GALNT13: variants seen among roughly 807,000 people sequenced by gnomAD.
GALNT13 encodes the protein UDP-GalNAc:polypeptide N-acetylgalactosaminyltransferase 13.
A neutral mutation model predicts 64.2 loss-of-function variants in GALNT13; 28 were observed. The observed-to-expected ratio is 0.44, with a 90% CI of 0.32 to 0.60. GALNT13 has a LOEUF of 0.60. Ranked by LOEUF, GALNT13 falls within the 20% of genes least tolerant of loss-of-function variation. The pLI is 0.05. For synonymous variants in GALNT13, 214 were observed against 224.6 expected (o/e 0.95, Z 0.42); for missense variants, 577 against 669.8 (o/e 0.86, Z 1.53).
At chr2:153,879,674 T>A (rs779733243) in intron 1 of GALNT13, among the ~76,000 whole-genome samples, 2 of 152,032 alleles carry the variant, frequency 1.3e-5, no homozygotes, top group Non-Finnish European at 2.9e-5. Context: ...ATCCTGGCCG[T>A]GCTTTGAGCC....
intron 3 of GALNT13, among the ~76,000 whole-genome samples, chr2:154,085,371 A>G (rs892642149): frequency 2.0e-5 from 3 of 151,950 alleles, no homozygotes; most frequent in African/African-American, 7.2e-5. Context: ...GTTCATGGAA[A>G]CCATTGTGGT....
the GALNT13 span, among the ~76,000 whole-genome samples, chr2:153,402,709 G>A: frequency 6.6e-6 from 1 of 152,000 alleles, no homozygotes; most frequent in Non-Finnish European, 1.5e-5. Flanking sequence ...CTTTCTTCCT[G>A]TTGATCGCAT....
the GALNT13 span, among the ~76,000 whole-genome samples, chr2:153,724,121 A>T: frequency 7.2e-6 from 1 of 138,228 alleles, no homozygotes; most frequent in East Asian, 2.0e-4. Flanking sequence ...AGATCAATGG[A>T]ACAGAACAGA....
the GALNT13 span, among the ~76,000 whole-genome samples, chr2:153,739,506 GTTTTA>G: frequency 6.4e-5 from 9 of 140,848 alleles, no homozygotes; most frequent in African/African-American, 2.1e-4. Flanking sequence ...TTAGATTTTT[GTTTTA>G]TTTATTTATT....
chr2:153,601,542 C>T, the GALNT13 span, among the ~76,000 whole-genome samples: 2 of 151,148 alleles, frequency 1.3e-5, no homozygotes, highest in East Asian at 2.0e-4. Context: ...TATTTCCTTT[C>T]GTTTCATGTC....
the GALNT13 span, among the ~76,000 whole-genome samples, chr2:153,507,626 G>A: frequency 6.6e-6 from 1 of 152,094 alleles, no homozygotes; most frequent in African/African-American, 2.4e-5. Flanking sequence ...TCTGGTGCCT[G>A]CTTGATTAGC....
upstream of GALNT13, among the ~76,000 whole-genome samples, chr2:153,870,642 T>C (rs145216934): frequency 5.9e-5 from 9 of 151,720 alleles, no homozygotes; most frequent in Admixed American, 2.6e-4. Context: ...GTTATTAACA[T>C]AGAAATTTAA....
At chr2:153,659,213 AT>A in the GALNT13 span, among the ~76,000 whole-genome samples, 6 of 152,202 alleles carry the variant, frequency 3.9e-5, no homozygotes, top group African/African-American at 7.2e-5. Flanking sequence ...TAATATAGAC[AT>A]TTTTTGGGGC....
chr2:153,316,626 C>G, the GALNT13 span, among the ~76,000 whole-genome samples: 2 of 87,322 alleles, frequency 2.3e-5, no homozygotes, highest in Admixed American at 1.2e-4. Flanking sequence ...GGCAGCAGAG[C>G]GAGACTCCGT....
the GALNT13 span, among the ~76,000 whole-genome samples, chr2:153,120,987 A>G: frequency 6.6e-6 from 1 of 152,208 alleles, no homozygotes; most frequent in African/African-American, 2.4e-5. Context: ...TTTCAGTGTG[A>G]TCCTATAGTT....
At chr2:154,028,703 TCTG>T (rs1224668437) in intron 3 of GALNT13, among the ~76,000 whole-genome samples, 2 of 152,132 alleles carry the variant, frequency 1.3e-5, no homozygotes, top group African/African-American at 4.8e-5. Flanking sequence ...GGCTTTTCAT[TCTG>T]CTGCATTTTG....
the GALNT13 span, among the ~76,000 whole-genome samples, chr2:153,204,591 C>T: frequency 2.0e-5 from 3 of 152,222 alleles, no homozygotes; most frequent in African/African-American, 7.2e-5. Flanking sequence ...TAGTCCAACT[C>T]ACCATGCCTA....
intron 3 of GALNT13, among the ~76,000 whole-genome samples, chr2:154,053,614 C>T (rs1699758056): frequency 6.6e-6 from 1 of 152,128 alleles, no homozygotes; most frequent in African/African-American, 2.4e-5. Context: ...GTGCCTTAAG[C>T]TCCTATGATG....
At chr2:154,094,017 C>T (rs930216402) in intron 3 of GALNT13, among the ~76,000 whole-genome samples, 2 of 151,812 alleles carry the variant, frequency 1.3e-5, no homozygotes, top group Non-Finnish European at 2.9e-5. Context: ...GAGACTGTCA[C>T]TGTTTAGAGT....
At chr2:153,333,576 G>GA in the GALNT13 span, among the ~76,000 whole-genome samples, 1 of 151,468 alleles carries the variant, frequency 6.6e-6, no homozygotes, top group Non-Finnish European at 1.5e-5. Context: ...CTACCATCTT[G>GA]AAAAAAAACT....
the GALNT13 span, among the ~76,000 whole-genome samples, chr2:153,215,760 A>ATT: frequency 6.5e-4 from 95 of 147,062 alleles, no homozygotes; most frequent in African/African-American, 2.0e-3. Flanking sequence ...TCTTTCTAGC[A>ATT]TTTTTTTTTT....
the GALNT13 span, among the ~76,000 whole-genome samples, chr2:153,177,831 C>G: frequency 6.6e-6 from 1 of 152,136 alleles, no homozygotes; most frequent in Admixed American, 6.5e-5. Context: ...CATTATTCCT[C>G]TAATTGAGGC....
intron 9 of GALNT13, among the ~76,000 whole-genome samples, chr2:154,313,218 C>A (rs1181595829): frequency 6.7e-6 from 1 of 148,816 alleles, no homozygotes; most frequent in African/African-American, 2.5e-5. Flanking sequence ...TATACATACA[C>A]ACACACTATA....
chr2:153,402,533 G>A, the GALNT13 span, among the ~76,000 whole-genome samples: 721 of 152,080 alleles, frequency 4.7e-3, 5 homozygotes, highest in African/African-American at 0.016. Flanking sequence ...TTTCCAACTT[G>A]GTTCCATTCT....
Sources: gnomAD v4.1 joint callset for allele counts (sites outside exome capture counted in the v4.1 genomes callset) on GRCh38, gnomAD v4.1.1 for gene constraint, MANE v1.5 for transcripts, NCBI Gene and HGNC (gene_info 2026-07-23, HGNC 2026-07-21) for gene names.